PPFIA2: variants seen among roughly 807,000 people sequenced by gnomAD.
PPFIA2 encodes liprin-alpha-2.
Under a neutral mutation model 175.5 loss-of-function variants are expected in PPFIA2, and 46 were observed. The observed-to-expected ratio is 0.26, with a 90% CI of 0.21 to 0.34. The LOEUF (loss-of-function observed/expected upper bound fraction) is 0.34, where lower values mean the gene tolerates loss of function less well. Among genes scored for constraint, PPFIA2 ranks in the 10% least tolerant of loss-of-function variants. The pLI, the probability that PPFIA2 is intolerant of heterozygous loss-of-function variation, is 1.00. For synonymous variants in PPFIA2, 568 were observed against 511.4 expected, an observed-to-expected ratio of 1.11 and a Z score of -1.49; for missense variants, 1,179 against 1,506.1, an observed-to-expected ratio of 0.78 and a Z score of 3.60.
chr12:81,312,951 A>C (rs963512328), intron 22 of PPFIA2, among the ~76,000 whole-genome samples: 1 of 152,178 alleles, frequency 6.6e-6, no homozygotes, highest in Non-Finnish European at 1.5e-5. Context: ...CAAAATAAAC[A>C]TCAAGTTTGT....
At chr12:81,588,639 C>T (rs2075609843) in intron 4 of PPFIA2, among the ~76,000 whole-genome samples, 1 of 152,062 alleles carries the variant, frequency 6.6e-6, no homozygotes, top group Non-Finnish European at 1.5e-5. Flanking sequence ...AAAGATAAAC[C>T]TGACCTTTCC....
At chr12:81,321,318 T>C (rs1019290412) in intron 22 of PPFIA2, among the ~76,000 whole-genome samples, 1 of 152,124 alleles carries the variant, frequency 6.6e-6, no homozygotes, top group Non-Finnish European at 1.5e-5. Context: ...CATGTGAAAC[T>C]GACAACTAAA....
chr12:81,324,570 T>C (rs1017038145), intron 22 of PPFIA2, among the ~76,000 whole-genome samples: 2 of 152,026 alleles, frequency 1.3e-5, no homozygotes, highest in Admixed American at 1.3e-4. Flanking sequence ...GGAAAGTATT[T>C]TTTAGAAGAA....
chr12:81,621,272 G>A (rs889007710), intron 4 of PPFIA2, among the ~76,000 whole-genome samples: 17 of 152,186 alleles, frequency 1.1e-4, no homozygotes, highest in Non-Finnish European at 7.3e-5. Flanking sequence ...GGGTGTGACT[G>A]AAGAAGAAAG....
chr12:81,463,563 T>C (rs1229646572), intron 4 of PPFIA2, among the ~76,000 whole-genome samples: 5 of 152,098 alleles, frequency 3.3e-5, no homozygotes, highest in Admixed American at 2.0e-4. Flanking sequence ...GCCACAACAG[T>C]ACCCTCAGCA....
chr12:81,712,025 C>T (rs889046011), intron 3 of PPFIA2, among the ~76,000 whole-genome samples: 3 of 150,980 alleles, frequency 2.0e-5, no homozygotes, highest in African/African-American at 7.3e-5. Context: ...GAATATTTTA[C>T]AAAAGTCATT....
At chr12:81,434,591 G>C (rs1220473652) in intron 7 of PPFIA2, among the ~76,000 whole-genome samples, 3 of 152,008 alleles carry the variant, frequency 2.0e-5, no homozygotes, top group Non-Finnish European at 4.4e-5. Flanking sequence ...CAAATTCAAA[G>C]ATAAATACAT....
At chr12:81,311,601 T>C (rs1221935205) in intron 22 of PPFIA2, among the ~76,000 whole-genome samples, 3 of 150,800 alleles carry the variant, frequency 2.0e-5, no homozygotes, top group African/African-American at 4.9e-5. Context: ...GGCGTGGTGG[T>C]GGGTGCCTGT....
intron 4 of PPFIA2, among the ~76,000 whole-genome samples, chr12:81,672,173 T>G (rs1188849713): frequency 1.3e-5 from 2 of 151,882 alleles, no homozygotes; most frequent in East Asian, 1.9e-4. Context: ...AATATAAGGT[T>G]GAAATACAAC....
At chr12:81,395,942 G>T (rs554246768) in intron 8 of PPFIA2, among the ~76,000 whole-genome samples, 1 of 152,012 alleles carries the variant, frequency 6.6e-6, no homozygotes, top group Non-Finnish European at 1.5e-5. Context: ...CTAATACATT[G>T]TAAATGGCAG....
intron 4 of PPFIA2, among the ~76,000 whole-genome samples, chr12:81,546,606 A>G (rs538926140): frequency 7.2e-5 from 11 of 152,338 alleles, no homozygotes; most frequent in African/African-American, 2.4e-4. Flanking sequence ...TACCCCATCT[A>G]TCACACCCAC....
At chr12:81,465,313 TG>T (rs1284864618) in intron 4 of PPFIA2, 1 of 152,108 alleles carries the variant, frequency 6.6e-6, no homozygotes, top group East Asian at 1.9e-4. Flanking sequence ...GAAAAATAAA[TG>T]GTGAGTTGGA....
intron 4 of PPFIA2, among the ~76,000 whole-genome samples, chr12:81,494,859 C>T (rs1440264570): frequency 6.8e-6 from 1 of 148,126 alleles, no homozygotes; most frequent in African/African-American, 2.5e-5. Context: ...AAACCAAACA[C>T]CGCATGTTCT....
chr12:81,553,123 C>T (rs535892929), intron 4 of PPFIA2, among the ~76,000 whole-genome samples: 13 of 151,858 alleles, frequency 8.6e-5, no homozygotes, highest in Admixed American at 2.6e-4. Context: ...ATTAATCTCA[C>T]GGGCTGAGAG....
At chr12:81,513,130 G>T (rs1044859483) in intron 4 of PPFIA2, among the ~76,000 whole-genome samples, 3 of 152,060 alleles carry the variant, frequency 2.0e-5, no homozygotes, top group Middle Eastern at 6.8e-3. Context: ...TATACAAATG[G>T]CCAACAAACA....
intron 4 of PPFIA2, among the ~76,000 whole-genome samples, chr12:81,662,085 C>T (rs2068993832): frequency 6.6e-6 from 1 of 151,880 alleles, no homozygotes; most frequent in Non-Finnish European, 1.5e-5. Context: ...TAAATGCCCA[C>T]AAGAGAAAGC....
intron 4 of PPFIA2, among the ~76,000 whole-genome samples, chr12:81,507,416 AATT>A (rs35141511): frequency 0.3 from 45,754 of 151,766 alleles, 7,265 homozygotes; most frequent in African/African-American, 0.4. Context: ...TCCAGAACAT[AATT>A]ATTATTAAAA....
chr12:81,291,319 C>G (rs1265650131), intron 24 of PPFIA2, among the ~76,000 whole-genome samples: 1 of 151,730 alleles, frequency 6.6e-6, no homozygotes, highest in Non-Finnish European at 1.5e-5. Context: ...TTGTCTGAAG[C>G]CTTATCCAGC....
chr12:81,735,455 T>C (rs538508511), intron 3 of PPFIA2, among the ~76,000 whole-genome samples: 3 of 151,986 alleles, frequency 2.0e-5, no homozygotes, highest in African/African-American at 7.2e-5. Flanking sequence ...CCTCTTCTTA[T>C]TGACTTGTGA....
Sources: gnomAD v4.1 joint callset for allele counts (sites outside exome capture counted in the v4.1 genomes callset) on GRCh38, gnomAD v4.1.1 for gene constraint, MANE v1.5 for transcripts, NCBI Gene and HGNC (gene_info 2026-07-23, HGNC 2026-07-21) for gene names.